Variants in ATP2B2 observed in about 807,000 individuals in gnomAD.
The protein encoded by ATP2B2 is ATPase plasma membrane Ca2+ transporting 2.
A neutral mutation model predicts 120.0 loss-of-function variants in ATP2B2; 15 were observed. The observed-to-expected ratio is 0.12, with a 90% CI of 0.08 to 0.19. The LOEUF (loss-of-function observed/expected upper bound fraction) is 0.19, where lower values mean the gene tolerates loss of function less well. ATP2B2 is among the 10% of genes least tolerant of loss of function. The pLI is 1.00. For synonymous variants in ATP2B2, 694 were observed against 700.3 expected (o/e 0.99, Z 0.14); for missense variants, 1,045 against 1,719.8 (o/e 0.61, Z 6.94).
intron 19 of ATP2B2, among the ~76,000 whole-genome samples, chr3:10,341,380 A>G (rs1200061783): frequency 6.6e-6 from 1 of 152,138 alleles, no homozygotes; most frequent in Non-Finnish European, 1.5e-5. Context: ...GCGTGATCTC[A>G]GCTCACTGCA....
intron 3 of ATP2B2, among the ~76,000 whole-genome samples, chr3:10,511,529 C>G (rs2066761158): frequency 6.6e-6 from 1 of 152,190 alleles, no homozygotes; most frequent in Non-Finnish European, 1.5e-5. Context: ...TCTTTGGACG[C>G]ATTTAGGGGT....
At chr3:10,461,900 C>T (rs1285846085) in intron 1 of ATP2B2, among the ~76,000 whole-genome samples, 1 of 152,118 alleles carries the variant, frequency 6.6e-6, no homozygotes, top group Non-Finnish European at 1.5e-5. Context: ...CCCCCACTGG[C>T]AAACTCCAGG....
intron 2 of ATP2B2, among the ~76,000 whole-genome samples, chr3:10,592,755 T>C (rs1464210584): frequency 2.6e-5 from 4 of 152,226 alleles, no homozygotes; most frequent in African/African-American, 7.2e-5. Flanking sequence ...CACCCTGGAA[T>C]ATGACTGTTT....
chr3:10,500,571 G>A (rs959282272), intron 1 of ATP2B2, among the ~76,000 whole-genome samples: 1 of 152,036 alleles, frequency 6.6e-6, no homozygotes, highest in African/African-American at 2.4e-5. Flanking sequence ...ACAGGAAGGA[G>A]TGAGGTGAAG....
intron 2 of ATP2B2, among the ~76,000 whole-genome samples, chr3:10,415,254 T>C (rs1431145046): frequency 6.6e-6 from 1 of 152,190 alleles, no homozygotes; most frequent in Non-Finnish European, 1.5e-5. Context: ...GTAAGGAGTG[T>C]AGTGCTGTGC....
chr3:10,508,659 T>G (rs1381413683), upstream of ATP2B2, among the ~76,000 whole-genome samples: 1 of 152,250 alleles, frequency 6.6e-6, no homozygotes. Context: ...CTTTGCCTTC[T>G]CTTCCTGCAG....
rs78299999 is a variant in ATP2B2, at chr3:10,689,054, G to T, written c.-460+18861C>A. Among the ~76,000 whole-genome samples the T allele has an allele frequency of 4.6e-3, 702 of 152,282 alleles. 4 individuals are homozygous for T. The highest frequency in any genetic ancestry group is 0.016 in the African/African-American group (660 of 41,558). On this transcript the variant is annotated intron_variant, in intron 1 of 21. Transcript: ENST00000646379. ...CATGTGAGGGTTTGACCAACACAAAGGATATCAGATTTGAAGAGCCAAAGC... is the reference window on the plus strand; with the variant it reads ...CATGTGAGGGTTTGACCAACACAAATGATATCAGATTTGAAGAGCCAAAGC...
intron 1 of ATP2B2, among the ~76,000 whole-genome samples, chr3:10,459,700 C>T (rs2064406140): frequency 6.6e-6 from 1 of 152,228 alleles, no homozygotes; most frequent in Non-Finnish European, 1.5e-5. Flanking sequence ...GGAAGAAGAA[C>T]AAAAAATGAT....
rs868297096 is a variant in ATP2B2 at position 10,388,374 on chromosome 3, C to T, written c.810G>A (p.Arg270=). 2.5e-6 allele frequency: 4 copies of T among 1,614,078 alleles called. 1 individual carries two copies. The highest frequency in any genetic ancestry group is 1.6e-4 in the Middle Eastern group (1 of 6,084). ...TCACACCCACAGCAGTCACCAACAT[C>T]CGTCCTGAGCCCTCCATCACGTGGG... ...SGTHVMEGSG[R]MLVTAVGVNS... The change falls in exon 6 of 23, where the codon CGG becomes CGA. Residue 270 remains arginine, a synonymous_variant. Transcript: ENST00000360273.
At chr3:10,385,199 C>T (rs2061639053) in intron 8 of ATP2B2, 69 bp downstream of exon 8, 1 of 1,499,758 alleles carries the variant, frequency 6.7e-7, no homozygotes. Context: ...GGAAAGAAAG[C>T]CCAAAGTTGG....
chr3:10,458,198 G>A (rs1315077814), intron 1 of ATP2B2, among the ~76,000 whole-genome samples: 1 of 152,102 alleles, frequency 6.6e-6, no homozygotes, highest in South Asian at 2.1e-4. Flanking sequence ...AAACTAATGA[G>A]CTGCATCACA....
chr3:10,377,161 C>T (rs3774166), intron 10 of ATP2B2, among the ~76,000 whole-genome samples: 2 of 151,898 alleles, frequency 1.3e-5, no homozygotes, highest in Non-Finnish European at 2.9e-5. Context: ...CTCATCGCTT[C>T]GTTCCCGGCC....
chr3:10,541,869 G>A (rs2067447917), intron 2 of ATP2B2, among the ~76,000 whole-genome samples: 1 of 152,094 alleles, frequency 6.6e-6, no homozygotes, highest in Non-Finnish European at 1.5e-5. Flanking sequence ...GAGTGTTGAA[G>A]TCTCCAATTG....
At position 10,371,790 on chromosome 3, in the gene ATP2B2, G is replaced by A. The variant is rs908440926; in HGVS notation, c.1659+19C>T. The A allele has an allele frequency of 6.2e-7, 1 of 1,614,164 alleles. No homozygotes were observed. The highest frequency in any genetic ancestry group is 8.5e-7 in the Non-Finnish European group (1 of 1,180,038). On this transcript the variant is annotated intron_variant, in intron 12 of 22. Coordinates refer to ENST00000360273, the MANE Select transcript of ATP2B2 (RefSeq NM_001001331.4). Reference sequence around the variant, plus strand: ...ATGGATGTTGCTCCAGGTGGTGGATGTGCCTGGTCCACACTTACCAGAATC... The same window carrying A: ...ATGGATGTTGCTCCAGGTGGTGGATATGCCTGGTCCACACTTACCAGAATC...
chr3:10,565,309 G>T (rs1342213831), intron 2 of ATP2B2, among the ~76,000 whole-genome samples: 1 of 152,146 alleles, frequency 6.6e-6, no homozygotes, highest in African/African-American at 2.4e-5. Context: ...ATTCTATGAA[G>T]GAAGCACAGC....
At chr3:10,553,643 G>C (rs1469176507) in intron 2 of ATP2B2, among the ~76,000 whole-genome samples, 1 of 147,794 alleles carries the variant, frequency 6.8e-6, no homozygotes, top group Non-Finnish European at 1.5e-5. Flanking sequence ...TGCAGAGCTG[G>C]GGGGGAAACC....
At chr3:10,621,675 GC>G (rs1237585340) in intron 1 of ATP2B2, among the ~76,000 whole-genome samples, 2 of 152,202 alleles carry the variant, frequency 1.3e-5, no homozygotes, top group East Asian at 3.9e-4. Context: ...TACTAATAAG[GC>G]CAACCTGGAG....
At chr3:10,401,336 A>T (rs2062212072) in intron 4 of ATP2B2, among the ~76,000 whole-genome samples, 1 of 152,166 alleles carries the variant, frequency 6.6e-6, no homozygotes, top group Non-Finnish European at 1.5e-5. Flanking sequence ...TGTACTTTAC[A>T]AAGTGTTTCT....
At chr3:10,653,846 T>G (rs1206194469) in intron 1 of ATP2B2, among the ~76,000 whole-genome samples, 1 of 152,192 alleles carries the variant, frequency 6.6e-6, no homozygotes, top group Non-Finnish European at 1.5e-5. Context: ...GCACTTTTTC[T>G]CGTGTTCTAT....
Sources: allele counts gnomAD v4.1 joint callset (sites outside exome capture counted in the v4.1 genomes callset), GRCh38; gene constraint gnomAD v4.1.1; transcripts MANE v1.5; gene names NCBI Gene and HGNC (gene_info 2026-07-23, HGNC 2026-07-21).